Variants in WDR36 observed in about 807,000 individuals in gnomAD.
The protein encoded by WDR36 is WD repeat domain 36.
In WDR36, 63 loss-of-function variants were observed where a neutral mutation model predicts 112.7. That is an observed-to-expected ratio of 0.56 (90% CI 0.46 to 0.69). The LOEUF (loss-of-function observed/expected upper bound fraction) is 0.69. Ranked by LOEUF, WDR36 falls within the 30% of genes least tolerant of loss-of-function variation. The pLI is 0.00. For missense variants in WDR36, 1,226 were observed against 1,070.3 expected, an observed-to-expected ratio of 1.15 and a Z score of -2.03; for synonymous variants, 410 against 362.2, an observed-to-expected ratio of 1.13 and a Z score of -1.50.
intron 16 of WDR36, 125 bp from the exon 17 acceptor site, chr5:111,118,888 T>G (rs576980801): frequency 1.5e-4 from 107 of 723,814 alleles, no homozygotes; most frequent in Non-Finnish European, 2.0e-4. Context: ...TCAATGCTGG[T>G]GATTAAAAAA....
At chr5:111,099,883 T>A (rs142871169) in intron 4 of WDR36, among the ~76,000 whole-genome samples, 65 of 152,192 alleles carry the variant, frequency 4.3e-4, no homozygotes, top group Admixed American at 1.2e-3. Flanking sequence ...CCTTCTTTGA[T>A]ACACAAATTT....
intron 1 of WDR36, among the ~76,000 whole-genome samples, chr5:111,094,317 A>G (rs113516843): frequency 8.5e-5 from 13 of 152,342 alleles, no homozygotes; most frequent in African/African-American, 2.9e-4. Context: ...CCTGTTTTAC[A>G]GATGAAGAAT....
At chr5:111,100,782 A>G in intron 5 of WDR36, 61 bp downstream of exon 5, 1 of 1,512,772 alleles carries the variant, frequency 6.6e-7, no homozygotes, top group Non-Finnish European at 9.1e-7. Flanking sequence ...CTACTTCCTA[A>G]TGTATACTTA....
At chr5:111,123,982 G>T in intron 20 of WDR36, 58 bp downstream of exon 20, 1 of 1,610,434 alleles carries the variant, frequency 6.2e-7, no homozygotes. Context: ...TGTGTTTTCT[G>T]CACTTCTTTA....
At chr5:111,122,787 A>G (rs755457940) in intron 19 of WDR36, among the ~76,000 whole-genome samples, 12 of 152,152 alleles carry the variant, frequency 7.9e-5, no homozygotes, top group Non-Finnish European at 1.5e-4. Context: ...AGACTTCTTT[A>G]TTAGGCACTT....
chr5:111,104,710 A>G lies in WDR36; in HGVS notation c.920A>G (p.Asp307Gly), dbSNP rs566393584. ...ATTTCTTGGCAGATATGGATATTTG[A>G]TGGTCCTACAGGTGAAGGCCGACTT... ...ADNALRIWIF[D>G]GPTGEGRLLR... The change falls in exon 9 of 23, where the codon GAT (aspartate) becomes GGT (glycine). Residue 307 changes from aspartate (D) to glycine (G), a missense_variant. Asp to Gly is a moderately conservative substitution (Grantham distance 94). Transcript: ENST00000513710. 5.6e-6 allele frequency: 9 copies of G among 1,611,148 alleles called. No homozygotes were observed. In the East Asian group the frequency reaches 6.7e-5, roughly 12 times the overall value.
In WDR36 at chr5:111,125,533, G is replaced by T. The variant is rs72784248; in HGVS notation, c.2351-75G>T. On this transcript the variant is annotated intron_variant, in intron 21 of 22. Coordinates refer to ENST00000513710, the MANE Select transcript of WDR36 (RefSeq NM_139281.3). ...ACCATTTAAATATATCCTATTTGGG[G>T]TATAAAAGGAAAACTGTAATTTTCT... The T allele has an allele frequency of 1.4e-5, 19 of 1,401,604 alleles. 1 individual carries two copies. In the South Asian group the frequency reaches 2.1e-4, roughly 16 times the overall value. 86.8% of individuals were successfully genotyped at this position (1,401,604 alleles called of 1,614,324 possible).
Position 111,105,307 on chromosome 5 carries a change from CTCT to C in WDR36, c.1043_1045del (p.Leu348del). 6.2e-7 allele frequency: 1 copy of C among 1,609,892 alleles called. No individual in the cohort carries two copies. Among genetic ancestry groups the C allele is most frequent in the Non-Finnish European group, 8.5e-7 (1 of 1,177,128 alleles). ...TGTATATCAACAGGTCAAGATGGAA[CTCT>C]TCAGTCATTTTCCACGGTACATGAA... On this transcript the variant is annotated inframe_deletion, in exon 10 of 23. Transcript: ENST00000513710.
rs776315575 is a variant in WDR36 at position 111,110,195 on chromosome 5, G to C, written c.1333G>C (p.Asp445His). 3.1e-6 allele frequency: 5 copies of C among 1,609,232 alleles called. No individual in the cohort carries two copies. Among genetic ancestry groups the C allele is most frequent in the Non-Finnish European group, 4.3e-6 (5 of 1,176,352 alleles). The change falls in exon 13 of 23, where the codon GAT (aspartate) becomes CAT (histidine). Residue 445 changes from aspartate to histidine, a missense_variant. By Grantham distance (81) the Asp-to-His change is moderately conservative. Transcript: ENST00000513710. ...TGGGTTTTTTTTCTTAAAGGCAGTG[G>C]ATATAACTTCTTGTGGAAACTTTGC... Reference protein sequence around the residue: ...KKDDITATAVDITSCGNFAVI... With the variant: ...KKDDITATAVHITSCGNFAVI...
Position 111,107,380 on chromosome 5 carries a change from A to G in WDR36, c.1267A>G (p.Thr423Ala). ...SCSTWNYQKSTIGAYFLKPKE... is the reference protein window; with the variant it reads ...SCSTWNYQKSAIGAYFLKPKE... The stretch of plus-strand genomic sequence containing the variant: ...CTCAACCTGGAATTATCAGAAATCT[A>G]CAATAGGCGCTTACTTTCTCAAGCC... The change falls in exon 12 of 23, where the codon ACA becomes GCA. Residue 423 changes from threonine to alanine, a missense_variant. Coordinates refer to ENST00000513710, the MANE Select transcript of WDR36 (RefSeq NM_139281.3). The G allele has an allele frequency of 1.2e-6, 2 of 1,610,624 alleles. No individual in the cohort carries two copies. The highest frequency in any genetic ancestry group is 2.2e-5 in the South Asian group (2 of 90,984).
chr5:111,127,388 A>C lies in WDR36; in HGVS notation c.*505A>C, dbSNP rs1753696123. Reference sequence around the variant, plus strand: ...TGCTGAATTAAATTGAAAATGTCAGATAAAACTGATACATGATGTAGTTAT... The same window carrying C: ...TGCTGAATTAAATTGAAAATGTCAGCTAAAACTGATACATGATGTAGTTAT... On this transcript the variant is annotated 3_prime_UTR_variant, in exon 23 of 23. Coordinates refer to ENST00000513710, the MANE Select transcript of WDR36 (RefSeq NM_139281.3). 5.0e-6 allele frequency: 1 copy of C among 200,132 alleles called. No homozygotes were observed. The highest frequency in any genetic ancestry group is 1.0e-5 in the Non-Finnish European group (1 of 96,974). The allele number at this position is 200,132 out of a possible 1,614,324, so 12.4% of individuals were successfully genotyped here.
At chr5:111,121,959 CACTG>C (rs1753576078) in intron 19 of WDR36, among the ~76,000 whole-genome samples, 1 of 152,114 alleles carries the variant, frequency 6.6e-6, no homozygotes, top group Non-Finnish European at 1.5e-5. Context: ...GTTTAAGAAA[CACTG>C]ACTAAGTAAC....
intron 1 of WDR36, 72 bp downstream of exon 1, chr5:111,092,690 C>T (rs1580387358): frequency 1.3e-6 from 2 of 1,495,436 alleles, no homozygotes; most frequent in South Asian, 1.2e-5. Flanking sequence ...CTGGAGCAGT[C>T]CGGTTCTCCC....
rs1753712213 is a variant in WDR36, at chr5:111,128,146, A to T, written c.*1263A>T. On this transcript the variant is annotated 3_prime_UTR_variant, in exon 23 of 23. Transcript: ENST00000513710. The stretch of plus-strand genomic sequence containing the variant: ...TTTAAAGCATAGCGCTCTAAAAACT[A>T]TTCTTAGTTTATACCCTCAAAAGTT... The T allele has an allele frequency of 5.2e-6, 1 of 191,766 alleles. No homozygotes were observed. Among genetic ancestry groups the T allele is most frequent in the East Asian group, 8.2e-5 (1 of 12,224 alleles). 11.9% of individuals were successfully genotyped at this position (191,766 alleles called of 1,614,324 possible).
chr5:111,107,174 G>C (rs1467721115), intron 11 of WDR36, 120 bp from the exon 12 acceptor site: 2 of 1,135,360 alleles, frequency 1.8e-6, no homozygotes, highest in Non-Finnish European at 2.5e-6. Context: ...ATTGCTATCA[G>C]ATATTACCTG....
chr5:111,104,321 T>C lies in WDR36; in HGVS notation c.875T>C (p.Leu292Pro). The change falls in exon 8 of 23, where the codon CTT (leucine) becomes CCT (proline). Residue 292 changes from leucine (L) to proline (P), a missense_variant. Coordinates refer to ENST00000513710, the MANE Select transcript of WDR36 (RefSeq NM_139281.3). ...ACATTTCTCCATAGAGAGCCACTTC[T>C]TGTCACAAATGGCGCTGACAATGCT... is the stretch of plus-strand genomic sequence containing the variant. ...GLTFLHREPL[L>P]VTNGADNALR... 3 of 1,612,042 alleles carry C rather than the reference T, an allele frequency of 1.9e-6. No individual in the cohort carries two copies. Among genetic ancestry groups the C allele is most frequent in the Non-Finnish European group, 2.5e-6 (3 of 1,178,492 alleles).
intron 16 of WDR36, among the ~76,000 whole-genome samples, chr5:111,113,703 C>G (rs768456327): frequency 9.2e-5 from 14 of 152,012 alleles, no homozygotes; most frequent in Non-Finnish European, 1.3e-4. Flanking sequence ...TTGAGAAGCC[C>G]CAGGTCAAAG....
intron 12 of WDR36, 99 bp downstream of exon 12, chr5:111,107,538 C>T (rs973699553): frequency 5.4e-6 from 8 of 1,483,640 alleles, no homozygotes; most frequent in South Asian, 2.5e-5. Context: ...ACTGAAAAAA[C>T]GTAGTTTAAC....
intron 21 of WDR36, 124 bp from the exon 22 acceptor site, chr5:111,125,481 AATT>A: frequency 1.0e-6 from 1 of 980,434 alleles, no homozygotes; most frequent in Non-Finnish European, 1.5e-6. Flanking sequence ...AATATGAAAA[AATT>A]AACCCACAGG....
Sources: allele counts gnomAD v4.1 joint callset (sites outside exome capture counted in the v4.1 genomes callset), GRCh38; gene constraint gnomAD v4.1.1; transcripts MANE v1.5; gene names NCBI Gene and HGNC (gene_info 2026-07-23, HGNC 2026-07-21).